Variants in DYNC1I1 observed in about 807,000 individuals in gnomAD.
The protein encoded by DYNC1I1 is dynein cytoplasmic 1 intermediate chain 1, also known as cytoplasmic dynein 1 intermediate chain 1.
In DYNC1I1, 43 loss-of-function variants were observed where a neutral mutation model predicts 86.6. The observed-to-expected ratio is 0.50, with a 90% confidence interval of 0.39 to 0.64. The LOEUF (loss-of-function observed/expected upper bound fraction) is 0.64, where lower values mean the gene tolerates loss of function less well. Ranked by LOEUF, DYNC1I1 falls within the 30% of genes least tolerant of loss-of-function variation. DYNC1I1 has a pLI of 0.00. For synonymous variants in DYNC1I1, 262 were observed against 283.7 expected, an observed-to-expected ratio of 0.92 and a Z score of 0.77; for missense variants, 604 against 788.8, an observed-to-expected ratio of 0.77 and a Z score of 2.81.
chr7:95,861,888 T>C (rs1442906207), intron 5 of DYNC1I1, among the ~76,000 whole-genome samples: 2 of 152,208 alleles, frequency 1.3e-5, no homozygotes, highest in Admixed American at 6.6e-5. Context: ...TTGGAGCAAG[T>C]GGCATCAATG....
rs140624584 is a variant in DYNC1I1, at chr7:95,913,652, T to C, written c.490+43654T>C. The stretch of plus-strand genomic sequence containing the variant: ...TGGAACTGTGAGTCCATTAAACCTC[T>C]TACCTAGTCTCAGGTATATCTTTAT... On this transcript the variant is annotated intron_variant, in intron 6 of 16. Transcript: ENST00000447467. 8.0e-3 allele frequency among the ~76,000 whole-genome samples: 1,222 copies of C among 152,306 alleles called. 10 individuals are homozygous for C. Among genetic ancestry groups the C allele is most frequent in the Middle Eastern group, 0.014 (4 of 294 alleles).
chr7:95,974,631 T>C (rs572524000), intron 6 of DYNC1I1, among the ~76,000 whole-genome samples: 1 of 152,230 alleles, frequency 6.6e-6, no homozygotes, highest in East Asian at 1.9e-4. Flanking sequence ...TGAATCTTTC[T>C]GGCTGGGGGA....
intron 14 of DYNC1I1, 44 bp from the exon 15 acceptor site, chr7:96,076,013 C>T: frequency 1.3e-6 from 2 of 1,597,582 alleles, no homozygotes; most frequent in Non-Finnish European, 1.7e-6. Flanking sequence ...CAGCCCGAGG[C>T]AGCAGCAGCG....
intron 12 of DYNC1I1, 22 bp downstream of exon 12, chr7:96,032,802 C>T: frequency 6.4e-7 from 1 of 1,569,612 alleles, no homozygotes. Context: ...TTTCCCTACA[C>T]ATAACACCAT....
intron 1 of DYNC1I1, chr7:95,804,280 G>A (rs1464615444): frequency 3.3e-6 from 3 of 921,244 alleles, no homozygotes; most frequent in Non-Finnish European, 4.3e-6. Context: ...AATTTGAGCA[G>A]GGCATATCTC....
intron 5 of DYNC1I1, among the ~76,000 whole-genome samples, chr7:95,840,158 C>T (rs900871875): frequency 6.6e-6 from 1 of 152,102 alleles, no homozygotes; most frequent in African/African-American, 2.4e-5. Flanking sequence ...GCCATTATTT[C>T]TCTGAATGAG....
intron 11 of DYNC1I1, among the ~76,000 whole-genome samples, chr7:96,029,775 G>A (rs1794763718): frequency 6.6e-6 from 1 of 152,024 alleles, no homozygotes; most frequent in Non-Finnish European, 1.5e-5. Context: ...GCTGGGTGTG[G>A]TGGTGCACGC....
intron 16 of DYNC1I1, among the ~76,000 whole-genome samples, chr7:96,094,025 G>A (rs772359810): frequency 6.6e-6 from 1 of 152,148 alleles, no homozygotes. Flanking sequence ...ATCAGGAAAT[G>A]TTACAGTTGT....
chr7:95,938,785 G>A (rs1792119457), intron 6 of DYNC1I1, among the ~76,000 whole-genome samples: 1 of 152,104 alleles, frequency 6.6e-6, no homozygotes, highest in Non-Finnish European at 1.5e-5. Context: ...GGTAGTGGTA[G>A]TAGCAAGAAT....
intron 6 of DYNC1I1, among the ~76,000 whole-genome samples, chr7:95,882,368 T>G (rs936384301): frequency 6.6e-6 from 1 of 152,190 alleles, no homozygotes; most frequent in African/African-American, 2.4e-5. Context: ...TGTTGAGCTT[T>G]GGGAGGTGTC....
chr7:95,923,944 A>G (rs1277218961), intron 6 of DYNC1I1, among the ~76,000 whole-genome samples: 1 of 152,152 alleles, frequency 6.6e-6, no homozygotes, highest in African/African-American at 2.4e-5. Context: ...AGGCATGGGA[A>G]GAATTTTGTA....
chr7:96,067,905 TGA>T (rs1357360296), intron 14 of DYNC1I1, among the ~76,000 whole-genome samples: 1 of 152,080 alleles, frequency 6.6e-6, no homozygotes, highest in Non-Finnish European at 1.5e-5. Context: ...AGAGAGAGAA[TGA>T]GAGTAACAAA....
chr7:95,900,440 C>A (rs1791007038), intron 6 of DYNC1I1, among the ~76,000 whole-genome samples: 1 of 152,038 alleles, frequency 6.6e-6, no homozygotes, highest in African/African-American at 2.4e-5. Flanking sequence ...ACAATATACA[C>A]ATTACTTTAG....
chr7:95,798,063 T>C (rs747251749), intron 1 of DYNC1I1, among the ~76,000 whole-genome samples: 3 of 152,174 alleles, frequency 2.0e-5, no homozygotes, highest in Admixed American at 6.5e-5. Flanking sequence ...ATTTTTAACA[T>C]GATTAATGTT....
intron 6 of DYNC1I1, among the ~76,000 whole-genome samples, chr7:95,943,499 C>T (rs111336267): frequency 0.78 from 96,642 of 123,942 alleles, 38,258 homozygotes; most frequent in East Asian, 0.92. Context: ...CCAATGCCTT[C>T]CTTCACAGAA....
At chr7:95,950,668 A>C (rs994240420) in intron 6 of DYNC1I1, among the ~76,000 whole-genome samples, 2 of 152,182 alleles carry the variant, frequency 1.3e-5, no homozygotes, top group Non-Finnish European at 2.9e-5. Flanking sequence ...TCAGTAGATC[A>C]GATGGAGTCA....
At chr7:96,051,738 A>G (rs1486557354) in intron 14 of DYNC1I1, among the ~76,000 whole-genome samples, 1 of 152,150 alleles carries the variant, frequency 6.6e-6, no homozygotes, top group Non-Finnish European at 1.5e-5. Flanking sequence ...TTTCACTTTT[A>G]CATCCTCTGA....
intron 6 of DYNC1I1, among the ~76,000 whole-genome samples, chr7:95,941,525 C>G (rs945960832): frequency 6.6e-6 from 1 of 152,210 alleles, no homozygotes; most frequent in African/African-American, 2.4e-5. Context: ...CCTCCCCCAG[C>G]CTCACTGCCA....
At chr7:95,824,984 C>A (rs1307989294) in intron 4 of DYNC1I1, among the ~76,000 whole-genome samples, 1 of 152,188 alleles carries the variant, frequency 6.6e-6, no homozygotes, top group Non-Finnish European at 1.5e-5. Context: ...GGAACCACCC[C>A]ACAGATAATA....
Sources: gnomAD v4.1 joint callset for allele counts (sites outside exome capture counted in the v4.1 genomes callset) on GRCh38, gnomAD v4.1.1 for gene constraint, MANE v1.5 for transcripts, NCBI Gene and HGNC (gene_info 2026-07-23, HGNC 2026-07-21) for gene names.